Variants in GNAO1 observed in about 807,000 individuals in gnomAD.
GNAO1 encodes the protein G protein subunit alpha o1.
For missense variants in GNAO1, 166 were observed against 478.7 expected (o/e 0.35, Z 6.10); for synonymous variants, 164 against 180.7 (o/e 0.91, Z 0.74).
chr16:56,268,215 G>C (rs574367820), intron 2 of GNAO1, among the ~76,000 whole-genome samples: 1 of 152,228 alleles, frequency 6.6e-6, no homozygotes, highest in Admixed American at 6.5e-5. Flanking sequence ...GCCAGTCTTC[G>C]TGGCAAAGGA....
intron 3 of GNAO1, among the ~76,000 whole-genome samples, chr16:56,300,058 C>G: frequency 3.3e-5 from 3 of 89,694 alleles, no homozygotes; most frequent in African/African-American, 1.5e-4. Flanking sequence ...CGCGCACGCA[C>G]ATGTGCTTGT....
intron 7 of GNAO1, chr16:56,352,615 G>C (rs2037934383): frequency 6.6e-6 from 1 of 152,312 alleles, no homozygotes; most frequent in African/African-American, 2.4e-5. Context: ...GGGTCCCCAA[G>C]CTCAGCCACA....
intron 2 of GNAO1, among the ~76,000 whole-genome samples, chr16:56,225,202 CTGTT>C (rs1469777430): frequency 3.9e-5 from 6 of 152,172 alleles, no homozygotes; most frequent in African/African-American, 7.2e-5. Flanking sequence ...GCTTCGTTGT[CTGTT>C]TGTTTGAGGA....
At chr16:56,300,470 T>G (rs2037334125) in intron 3 of GNAO1, 1 of 152,216 alleles carries the variant, frequency 6.6e-6, no homozygotes, top group Admixed American at 6.5e-5. Context: ...GGCACTGTCT[T>G]AAGTGGCTTG....
At chr16:56,342,570 G>A (rs1466152388) in intron 6 of GNAO1, among the ~76,000 whole-genome samples, 3 of 152,240 alleles carry the variant, frequency 2.0e-5, no homozygotes, top group Non-Finnish European at 4.4e-5. Flanking sequence ...GCCCCCTGAG[G>A]AAGGCAGCAT....
At chr16:56,318,202 G>T (rs539359530) in intron 3 of GNAO1, among the ~76,000 whole-genome samples, 1 of 152,208 alleles carries the variant, frequency 6.6e-6, no homozygotes. Context: ...GGGGCGGGGG[G>T]CTCTCTCCTG....
At chr16:56,241,895 G>A (rs2036697285) in intron 2 of GNAO1, among the ~76,000 whole-genome samples, 1 of 152,234 alleles carries the variant, frequency 6.6e-6, no homozygotes, top group South Asian at 2.1e-4. Flanking sequence ...CTGCTTGCTG[G>A]CAGAAACTGG....
At chr16:56,348,604 A>G (rs2037894789) in intron 6 of GNAO1, among the ~76,000 whole-genome samples, 1 of 152,248 alleles carries the variant, frequency 6.6e-6, no homozygotes, top group South Asian at 2.1e-4. Context: ...CTTTTCTCAA[A>G]TGGTGGTATC....
At chr16:56,250,262 G>C (rs1424861180) in intron 2 of GNAO1, among the ~76,000 whole-genome samples, 1 of 152,166 alleles carries the variant, frequency 6.6e-6, no homozygotes, top group Non-Finnish European at 1.5e-5. Context: ...CTTATTTGGG[G>C]ATCTTCTTGG....
At chr16:56,306,213 G>A (rs556034399) in intron 3 of GNAO1, among the ~76,000 whole-genome samples, 39 of 152,320 alleles carry the variant, frequency 2.6e-4, no homozygotes, top group African/African-American at 8.4e-4. Flanking sequence ...CTTTCTTACC[G>A]AAGGTCAGTC....
At chr16:56,339,992 A>G (rs2037784341) in intron 6 of GNAO1, among the ~76,000 whole-genome samples, 1 of 152,136 alleles carries the variant, frequency 6.6e-6, no homozygotes, top group Non-Finnish European at 1.5e-5. Flanking sequence ...CCCATCCTGC[A>G]TCTCTTGCCC....
chr16:56,328,919 C>A, intron 4 of GNAO1, 128 bp downstream of exon 4: 1 of 882,860 alleles, frequency 1.1e-6, no homozygotes, highest in Non-Finnish European at 1.8e-6. Context: ...AGATGTTCTC[C>A]CATAGGTAGA....
At chr16:56,314,437 C>G (rs1370172418) in intron 3 of GNAO1, among the ~76,000 whole-genome samples, 1 of 152,228 alleles carries the variant, frequency 6.6e-6, no homozygotes, top group Non-Finnish European at 1.5e-5. Flanking sequence ...TTCCCCAGTA[C>G]AGCCGCCACC....
At chr16:56,213,249 C>CTT in intron 2 of GNAO1, 1 of 356,308 alleles carries the variant, frequency 2.8e-6, no homozygotes, top group Non-Finnish European at 5.0e-6. Context: ...TTTCTTTCTT[C>CTT]TTTTTTTTTT....
intron 3 of GNAO1, among the ~76,000 whole-genome samples, chr16:56,284,575 G>C (rs1318351183): frequency 4.6e-5 from 7 of 152,206 alleles, no homozygotes; most frequent in Non-Finnish European, 7.3e-5. Flanking sequence ...CTCCTCATTA[G>C]AGTCTTGGGT....
chr16:56,194,048 T>G, intron 2 of GNAO1: 1 of 443,938 alleles, frequency 2.3e-6, no homozygotes, highest in Non-Finnish European at 4.6e-6. Flanking sequence ...GCAAAAAATC[T>G]TGGATGTGTA....
chr16:56,231,256 G>T (rs572345014), intron 2 of GNAO1, among the ~76,000 whole-genome samples: 1 of 152,246 alleles, frequency 6.6e-6, no homozygotes, highest in African/African-American at 2.4e-5. Context: ...AATCCACCGT[G>T]GGGTAGGCTC....
At chr16:56,208,527 G>A (rs568125008) in intron 2 of GNAO1, among the ~76,000 whole-genome samples, 1 of 152,062 alleles carries the variant, frequency 6.6e-6, no homozygotes, top group African/African-American at 2.4e-5. Context: ...GAATTGCTGG[G>A]AATCTTCAAC....
chr16:56,230,097 A>G (rs2036574385), intron 2 of GNAO1, among the ~76,000 whole-genome samples: 1 of 151,646 alleles, frequency 6.6e-6, no homozygotes, highest in Non-Finnish European at 1.5e-5. Context: ...GCTTTTGATC[A>G]TTTGGTCACT....
Sources: allele counts gnomAD v4.1 joint callset (sites outside exome capture counted in the v4.1 genomes callset), GRCh38; gene constraint gnomAD v4.1.1; transcripts MANE v1.5; gene names NCBI Gene and HGNC (gene_info 2026-07-23, HGNC 2026-07-21).